The following TRPM3 variants were observed in gnomAD, a reference collection of about 807,000 sequenced individuals.
TRPM3 encodes transient receptor potential cation channel subfamily M member 3, also known as long transient receptor potential channel 3.
A neutral mutation model predicts 181.2 loss-of-function variants in TRPM3; 77 were observed. That is an observed-to-expected ratio of 0.42 (90% CI 0.35 to 0.51). The LOEUF (loss-of-function observed/expected upper bound fraction) is 0.51. Ranked by LOEUF, TRPM3 falls within the 20% of genes least tolerant of loss-of-function variation. The pLI, the probability that TRPM3 is intolerant of heterozygous loss-of-function variation, is 0.01. For missense variants in TRPM3, 1,759 were observed against 2,196.7 expected, an observed-to-expected ratio of 0.80 and a Z score of 3.98; for synonymous variants, 745 against 796.4, an observed-to-expected ratio of 0.94 and a Z score of 1.09.
chr9:71,138,943 T>C (rs1056355106), intron 1 of TRPM3, among the ~76,000 whole-genome samples: 1 of 152,196 alleles, frequency 6.6e-6, no homozygotes, highest in Non-Finnish European at 1.5e-5. Context: ...AATTCTAACA[T>C]ATAGCTTGTA....
chr9:71,307,644 AAC>A (rs1458249051), intron 1 of TRPM3, among the ~76,000 whole-genome samples: 1 of 152,152 alleles, frequency 6.6e-6, no homozygotes, highest in East Asian at 1.9e-4. Context: ...CTTTTCTAAT[AAC>A]ACATGCATTT....
intron 1 of TRPM3, among the ~76,000 whole-genome samples, chr9:71,289,360 C>G (rs1420454241): frequency 6.6e-6 from 1 of 151,970 alleles, no homozygotes; most frequent in Non-Finnish European, 1.5e-5. Context: ...GAGATAAAGC[C>G]TATAGTAGAA....
rs937246546 is a variant in TRPM3, at chr9:71,078,142, C to A, written c.177+43036G>T. On this transcript the variant is annotated intron_variant, in intron 1 of 25. Coordinates refer to ENST00000677713, the MANE Select transcript of TRPM3 (RefSeq NM_001366145.2). Reference sequence around the variant, plus strand: ...GGAATTTTTAAAACAATATTGTTTGCAAAATAGTACAGATAAACTGCAAAC... The same window carrying A: ...GGAATTTTTAAAACAATATTGTTTGAAAAATAGTACAGATAAACTGCAAAC... Among the ~76,000 whole-genome samples, 13 of 152,064 alleles carry A rather than the reference C, an allele frequency of 8.5e-5. No homozygotes were observed. The East Asian group carries it at 2.3e-3, about 27-fold the overall frequency.
At chr9:70,664,894 C>T (rs1394234260) in intron 9 of TRPM3, among the ~76,000 whole-genome samples, 2 of 151,684 alleles carry the variant, frequency 1.3e-5, no homozygotes, top group African/African-American at 4.9e-5. Context: ...AAGTGATCCA[C>T]CCCCCTCAGC....
Position 70,552,430 on chromosome 9 carries a change from A to G in TRPM3, c.3574+414T>C, listed in dbSNP as rs528012663. On this transcript the variant is annotated intron_variant, in intron 24 of 25. Coordinates refer to ENST00000677713, the MANE Select transcript of TRPM3 (RefSeq NM_001366145.2). ...AGGCACAACCCCTAAGGTTTAGGAA[A>G]ATGTTTAAGATCAGAAAAAATTATA... 4.6e-5 allele frequency among the ~76,000 whole-genome samples: 7 copies of G among 152,274 alleles called. No homozygotes were observed. The East Asian group carries it at 1.4e-3, about 29-fold the overall frequency.
intron 1 of TRPM3, among the ~76,000 whole-genome samples, chr9:71,126,949 C>A (rs1310458669): frequency 1.3e-5 from 2 of 151,992 alleles, no homozygotes; most frequent in Non-Finnish European, 2.9e-5. Flanking sequence ...TCTCCCAGAG[C>A]ATAGTTTTCC....
intron 8 of TRPM3, among the ~76,000 whole-genome samples, chr9:70,741,193 C>T (rs556576663): frequency 6.6e-6 from 1 of 152,156 alleles, no homozygotes; most frequent in African/African-American, 2.4e-5. Flanking sequence ...CAAATGACCA[C>T]CAACACATAT....
chr9:71,202,950 T>C (rs529004693), intron 1 of TRPM3, among the ~76,000 whole-genome samples: 1 of 152,298 alleles, frequency 6.6e-6, no homozygotes, highest in South Asian at 2.1e-4. Flanking sequence ...GAATAATGAC[T>C]TTCTTTTTGC....
intron 1 of TRPM3, among the ~76,000 whole-genome samples, chr9:71,010,481 A>G (rs1009030631): frequency 1.1e-4 from 16 of 152,188 alleles, no homozygotes; most frequent in African/African-American, 3.6e-4. Flanking sequence ...ATATCTGAAA[A>G]GACGACAACA....
rs1337004831 is a variant in TRPM3 at position 70,747,613 on chromosome 9, GT to G, written c.1272+13987del. 1.4e-4 allele frequency among the ~76,000 whole-genome samples: 21 copies of G among 152,134 alleles called. No individual in the cohort carries two copies. The South Asian group carries it at 4.0e-3, about 29-fold the overall frequency. On this transcript the variant is annotated intron_variant, in intron 8 of 25. Coordinates refer to ENST00000677713, the MANE Select transcript of TRPM3 (RefSeq NM_001366145.2). The stretch of plus-strand genomic sequence containing the variant: ...GTGGGTCAAATTTGTTTTATGGTCT[GT>G]TTTTCTGTGACCAGTAACCTGAGAA...
chr9:70,920,790 T>C (rs2096645940), intron 1 of TRPM3, among the ~76,000 whole-genome samples: 1 of 152,218 alleles, frequency 6.6e-6, no homozygotes, highest in South Asian at 2.1e-4. Context: ...TATATTATCC[T>C]TATTTCTTAT....
intron 1 of TRPM3, among the ~76,000 whole-genome samples, chr9:71,390,068 C>T (rs2132940651): frequency 6.6e-6 from 1 of 152,152 alleles, no homozygotes; most frequent in South Asian, 2.1e-4. Flanking sequence ...TATCTACATT[C>T]TCCAGATATG....
At chr9:71,446,733 TGCCCCGGCTGGC>T in exon 1 of TRPM3, 1 of 1,550,572 alleles carries the variant, frequency 6.4e-7, no homozygotes. Context: ...TCGGCAAACC[TGCCCCGGCTGGC>T]GCTCCGGCTG....
chr9:70,765,461 T>C (rs1201176273), intron 7 of TRPM3, among the ~76,000 whole-genome samples: 1 of 152,082 alleles, frequency 6.6e-6, no homozygotes, highest in Non-Finnish European at 1.5e-5. Flanking sequence ...CATGGTGGCA[T>C]GTGCCTGTAA....
chr9:70,961,494 T>C (rs946741035), intron 1 of TRPM3, among the ~76,000 whole-genome samples: 1 of 152,164 alleles, frequency 6.6e-6, no homozygotes, highest in African/African-American at 2.4e-5. Context: ...CCATGCTTGT[T>C]CACCCAGGGT....
At chr9:70,891,391 G>GA (rs2096200858) in intron 1 of TRPM3, among the ~76,000 whole-genome samples, 1 of 152,040 alleles carries the variant, frequency 6.6e-6, no homozygotes, top group African/African-American at 2.4e-5. Context: ...CATGCAAAAT[G>GA]AAAAAAGCAG....
intron 1 of TRPM3, among the ~76,000 whole-genome samples, chr9:70,937,749 T>C (rs760715942): frequency 6.6e-5 from 10 of 151,966 alleles, no homozygotes; most frequent in Non-Finnish European, 1.3e-4. Context: ...GAACTCCTTT[T>C]TCAAACAAAG....
intron 1 of TRPM3, among the ~76,000 whole-genome samples, chr9:71,319,505 G>A (rs182480456): frequency 8.5e-5 from 13 of 152,066 alleles, no homozygotes; most frequent in Admixed American, 6.6e-4. Context: ...GTTTTATTTG[G>A]GCCCTAATGG....
intron 1 of TRPM3, among the ~76,000 whole-genome samples, chr9:71,309,259 T>C (rs2087685801): frequency 1.3e-5 from 2 of 152,202 alleles, no homozygotes; most frequent in African/African-American, 4.8e-5. Context: ...TGAGGTGAGT[T>C]ACATAAATAT....
Sources: gnomAD v4.1 joint callset for allele counts (sites outside exome capture counted in the v4.1 genomes callset) on GRCh38, gnomAD v4.1.1 for gene constraint, MANE v1.5 for transcripts, NCBI Gene and HGNC (gene_info 2026-07-23, HGNC 2026-07-21) for gene names.